DNAH14: variants seen among roughly 807,000 people sequenced by gnomAD.
The protein encoded by DNAH14 is axonemal beta dynein heavy chain 14.
In DNAH14, 478 loss-of-function variants were observed where a neutral mutation model predicts 520.9. The observed-to-expected ratio is 0.92, with a 90% CI of 0.85 to 0.99. The LOEUF is 0.99. Ranked by LOEUF, DNAH14 falls within the 50% of genes least tolerant of loss-of-function variation. The pLI, the probability that DNAH14 is intolerant of heterozygous loss-of-function variation, is 0.00. For synonymous variants in DNAH14, 1,581 were observed against 1,757.2 expected, an observed-to-expected ratio of 0.90 and a Z score of 2.51; for missense variants, 4,831 against 5,234.5, an observed-to-expected ratio of 0.92 and a Z score of 2.38.
chr1:225,336,269 A>G (rs927712095), intron 66 of DNAH14, among the ~76,000 whole-genome samples: 4 of 151,870 alleles, frequency 2.6e-5, no homozygotes, highest in African/African-American at 4.8e-5. Flanking sequence ...AGACACATCT[A>G]AAACATAAAG....
Position 225,360,748 on chromosome 1 carries a change from C to T in DNAH14, c.11844C>T (p.Thr3948=), listed in dbSNP as rs1397341478. The part of the protein sequence containing the change: ...QELKGTTHHV[T]IISLGRDQAA... ...TAAAAGGAACAACACATCATGTGAC[C>T]ATAATTTCTCTGGGCCGTGACCAAG... The change falls in exon 75 of 86, where the codon ACC becomes ACT. Residue 3948 remains threonine, a synonymous_variant. Coordinates refer to ENST00000682510, the MANE Select transcript of DNAH14 (RefSeq NM_001367479.1). 6.4e-7 allele frequency: 1 copy of T among 1,551,684 alleles called. No individual in the cohort carries two copies. Among genetic ancestry groups the T allele is most frequent in the South Asian group, 1.2e-5 (1 of 84,058 alleles).
chr1:225,276,943 A>AAGGAAGGG (rs1355655081), intron 53 of DNAH14, among the ~76,000 whole-genome samples: 1 of 13,768 alleles, frequency 7.3e-5, no homozygotes, highest in Non-Finnish European at 1.7e-4. Flanking sequence ...GAAGAAGAAA[A>AAGGAAGGG]AGGAAGGAAG....
At chr1:225,066,472 A>G (rs953510358) in intron 17 of DNAH14, among the ~76,000 whole-genome samples, 1 of 151,790 alleles carries the variant, frequency 6.6e-6, no homozygotes, top group Non-Finnish European at 1.5e-5. Context: ...TTCAGTCTTC[A>G]TTTTTAAATT....
At chr1:225,390,317 T>C (rs2282379) in intron 83 of DNAH14, among the ~76,000 whole-genome samples, 87,834 of 151,940 alleles carry the variant, frequency 0.58, 27,155 homozygotes, top group East Asian at 0.81. Flanking sequence ...CTGCTCAACA[T>C]AAACGTCCAG....
chr1:225,352,205 T>G (rs1214197017), intron 72 of DNAH14, among the ~76,000 whole-genome samples: 4 of 152,308 alleles, frequency 2.6e-5, no homozygotes, highest in Non-Finnish European at 5.9e-5. Context: ...AACAAATGTG[T>G]GTTTTTAAAA....
intron 66 of DNAH14, among the ~76,000 whole-genome samples, chr1:225,336,053 A>G (rs903128191): frequency 2.8e-5 from 4 of 141,918 alleles, no homozygotes; most frequent in Admixed American, 1.4e-4. Flanking sequence ...ATGCATATAT[A>G]CATATATGTA....
intron 77 of DNAH14, among the ~76,000 whole-genome samples, chr1:225,372,528 G>T (rs2095631144): frequency 6.6e-6 from 1 of 152,190 alleles, no homozygotes; most frequent in Non-Finnish European, 1.5e-5. Context: ...CCAGCTGGAA[G>T]AAAAGTACTA....
chr1:225,135,858 A>G (rs966713849), intron 27 of DNAH14, among the ~76,000 whole-genome samples: 1 of 133,358 alleles, frequency 7.5e-6, no homozygotes, highest in Admixed American at 6.9e-5. Context: ...GGGTGCATAT[A>G]TATTTAGGGT....
At chr1:225,290,135 C>A in intron 55 of DNAH14, 53 bp downstream of exon 55, 1 of 1,221,476 alleles carries the variant, frequency 8.2e-7, no homozygotes. Context: ...TATGTGGCTA[C>A]CCCCTCCCCA....
At chr1:225,256,913 A>AG (rs397968778) in intron 44 of DNAH14, among the ~76,000 whole-genome samples, 1 of 152,146 alleles carries the variant, frequency 6.6e-6, no homozygotes, top group Non-Finnish European at 1.5e-5. Context: ...TAAAAAAAAA[A>AG]CAGATAAAGA....
At chr1:225,230,748 T>G (rs1219032186) in intron 41 of DNAH14, among the ~76,000 whole-genome samples, 1 of 152,140 alleles carries the variant, frequency 6.6e-6, no homozygotes, top group East Asian at 1.9e-4. Flanking sequence ...AGTACCATAT[T>G]TGGTCGTAGT....
At position 225,080,410 on chromosome 1, in the gene DNAH14, C is replaced by G. The variant is rs760165819; in HGVS notation, c.2798C>G (p.Thr933Ser). ...ACTCCTCTTCTGTTATGTGCTGGTA[C>G]TCAAGTGTCAACAGCAATGGAAATG... ...IRTPLLLCAG[T>S]QVSTAMEMIQ... Residue 933 changes from threonine (T) to serine (S), a missense_variant, in exon 19 of 86, where the codon ACT (threonine) becomes AGT (serine). Physicochemically the swap from Thr to Ser is moderately conservative, Grantham distance 58. Coordinates refer to ENST00000682510, the MANE Select transcript of DNAH14 (RefSeq NM_001367479.1). 87 of 1,547,710 alleles carry G rather than the reference C, an allele frequency of 5.6e-5. 2 individuals carry two copies. In the South Asian group the frequency reaches 1.0e-3, roughly 18 times the overall value.
At chr1:225,378,610 G>A (rs111765292) in intron 79 of DNAH14, among the ~76,000 whole-genome samples, 3 of 152,116 alleles carry the variant, frequency 2.0e-5, no homozygotes, top group East Asian at 3.8e-4. Flanking sequence ...GGCCGGGCGC[G>A]GTGGGCTCAC....
At chr1:225,114,754 G>A (rs1350964515) in intron 23 of DNAH14, among the ~76,000 whole-genome samples, 1 of 151,858 alleles carries the variant, frequency 6.6e-6, no homozygotes, top group Non-Finnish European at 1.5e-5. Context: ...AGTGTTGGCA[G>A]CACTGAGTTT....
At chr1:225,315,955 T>C (rs553753869) in intron 60 of DNAH14, among the ~76,000 whole-genome samples, 1 of 152,318 alleles carries the variant, frequency 6.6e-6, no homozygotes, top group Non-Finnish European at 1.5e-5. Flanking sequence ...CGGCCACAGC[T>C]GCCCCTTCCT....
At chr1:225,317,076 A>T (rs541326873) in intron 60 of DNAH14, among the ~76,000 whole-genome samples, 2 of 152,328 alleles carry the variant, frequency 1.3e-5, no homozygotes, top group Non-Finnish European at 2.9e-5. Context: ...TGCAGTGATT[A>T]ATTTCAAATA....
In DNAH14 at chr1:225,248,461, G is replaced by A. The variant is rs540264887; in HGVS notation, c.6749-3840G>A. 2.6e-5 allele frequency among the ~76,000 whole-genome samples: 4 copies of A among 152,234 alleles called. No homozygotes were observed. The South Asian group carries it at 6.2e-4, about 24-fold the overall frequency. ...GGTCTTTGTTGTGTTTGAGAATAGT[G>A]TAGAAATATCAGATAACTTTAGATT... On this transcript the variant is annotated intron_variant, in intron 43 of 85. Transcript: ENST00000682510.
intron 45 of DNAH14, 71 bp from the exon 46 acceptor site, chr1:225,259,050 G>C: frequency 3.6e-6 from 5 of 1,384,288 alleles, no homozygotes; most frequent in Non-Finnish European, 4.8e-6. Context: ...AATGTTATTG[G>C]TTCATTTTAA....
intron 9 of DNAH14, among the ~76,000 whole-genome samples, chr1:225,004,613 T>TA (rs2064025517): frequency 6.6e-6 from 1 of 152,174 alleles, no homozygotes; most frequent in African/African-American, 2.4e-5. Flanking sequence ...GGGGCACTCC[T>TA]AGTGGTGATT....
Sources: gnomAD v4.1 joint callset for allele counts (sites outside exome capture counted in the v4.1 genomes callset) on GRCh38, gnomAD v4.1.1 for gene constraint, MANE v1.5 for transcripts, NCBI Gene and HGNC (gene_info 2026-07-23, HGNC 2026-07-21) for gene names.